RASGRP2: variants seen among roughly 807,000 people sequenced by gnomAD.
RASGRP2 encodes RAS guanyl-releasing protein 2.
In RASGRP2, 44 loss-of-function variants were observed where a neutral mutation model predicts 71.0. The observed-to-expected ratio is 0.62, with a 90% CI of 0.49 to 0.80. The LOEUF (loss-of-function observed/expected upper bound fraction) is 0.80. Ranked by LOEUF, RASGRP2 falls within the 30% of genes least tolerant of loss-of-function variation. The probability of loss-of-function intolerance (pLI) is 0.00; values close to 1 mark genes in which losing one functional copy is unlikely to be tolerated. For missense variants in RASGRP2, 663 were observed against 813.4 expected, an observed-to-expected ratio of 0.82 and a Z score of 2.25; for synonymous variants, 350 against 330.7, an observed-to-expected ratio of 1.06 and a Z score of -0.63.
At chr11:64,740,515 T>G in intron 5 of RASGRP2, 1 of 628,616 alleles carries the variant, frequency 1.6e-6, no homozygotes, top group Non-Finnish European at 3.0e-6. Context: ...GAGGTCTTTG[T>G]ACAGGAGTCT....
chr11:64,742,799 G>T lies in RASGRP2; in HGVS notation c.68C>A (p.Ala23Asp). 1 of 1,608,388 alleles carries T rather than the reference G, an allele frequency of 6.2e-7. No individual in the cohort carries two copies. Among genetic ancestry groups the T allele is most frequent in the African/African-American group, 1.3e-5 (1 of 74,984 alleles). The change falls in exon 2 of 17, where the codon GCC (alanine) becomes GAC (aspartate). Residue 23 changes from alanine to aspartate, a missense_variant. Ala to Asp is a moderately radical substitution (Grantham distance 126). Coordinates refer to ENST00000394432, the MANE Select transcript of RASGRP2 (RefSeq NM_001098671.2). This position sits in a 1 kb window ranked among gnomAD's most constrained non-coding sequence, Gnocchi z 4.7. ...VEELLRGCIE[A>D]FDDSGKVRDP... ...TGCCCTCCCGAGCCACTCACCGAAGGCTTCGATGCACCCGCGGAGCAGCTC... is the reference window on the plus strand; with the variant it reads ...TGCCCTCCCGAGCCACTCACCGAAGTCTTCGATGCACCCGCGGAGCAGCTC...
intron 12 of RASGRP2, among the ~76,000 whole-genome samples, chr11:64,734,764 T>C (rs1173548459): frequency 1.3e-5 from 2 of 152,220 alleles, no homozygotes; most frequent in Non-Finnish European, 2.9e-5. Context: ...CAAACCTTTC[T>C]TATCTATTCA....
At position 64,735,992 on chromosome 11, in the gene RASGRP2, A is replaced by C. The variant is rs2057925032; in HGVS notation, c.1096-12T>G. On this transcript the variant is annotated splice_polypyrimidine_tract_variant and intron_variant, in intron 9 of 16. Coordinates refer to ENST00000394432, the MANE Select transcript of RASGRP2 (RefSeq NM_001098671.2). This position sits in a 1 kb window ranked among gnomAD's most constrained non-coding sequence, Gnocchi z 4.2. ...TGATCCAGAGACACCTGGGACACAC[A>C]GATCTGATCACCCCCACTGGCCCCT... 6.2e-7 allele frequency: 1 copy of C among 1,612,516 alleles called. No individual in the cohort carries two copies. Among genetic ancestry groups the C allele is most frequent in the African/African-American group, 1.3e-5 (1 of 74,992 alleles).
rs1420312756 is a variant in RASGRP2 at position 64,729,749 on chromosome 11, C to T, written c.1591+13G>A. 6.2e-7 allele frequency: 1 copy of T among 1,613,744 alleles called. No individual in the cohort carries two copies. Among genetic ancestry groups the T allele is most frequent in the Admixed American group, 1.7e-5 (1 of 60,004 alleles). On this transcript the variant is annotated intron_variant, in intron 14 of 16. Transcript: ENST00000394432. The stretch of plus-strand genomic sequence containing the variant: ...AACACTGCCCAGCAGCCCTTCCAGT[C>T]ATTCCATCTCACCTCGGCATTTGAG...
At chr11:64,733,453 C>A (rs1202234921) in intron 12 of RASGRP2, among the ~76,000 whole-genome samples, 2 of 150,670 alleles carry the variant, frequency 1.3e-5, no homozygotes, top group Non-Finnish European at 3.0e-5. Context: ...CAGCCTGGGG[C>A]CTGCAGGAGG....
At chr11:64,738,845 A>G (rs1365544875) in intron 8 of RASGRP2, among the ~76,000 whole-genome samples, 1 of 152,072 alleles carries the variant, frequency 6.6e-6, no homozygotes, top group African/African-American at 2.4e-5. Context: ...TACAAGTGGC[A>G]AGGCACAATG....
At chr11:64,738,009 A>G (rs1198101906) in intron 8 of RASGRP2, among the ~76,000 whole-genome samples, 1 of 152,118 alleles carries the variant, frequency 6.6e-6, no homozygotes, top group Non-Finnish European at 1.5e-5. Flanking sequence ...TCGCCACCGC[A>G]CTCCAGCCTG....
chr11:64,727,052 CTG>C lies in RASGRP2; in HGVS notation c.*84_*85del. On this transcript the variant is annotated 3_prime_UTR_variant, in exon 17 of 17. Transcript: ENST00000394432. ...ATATCCCACCCCCATCCCCAGCCTCCTGCCCCGACACCCCCAGGCTCCCTGCT... is the reference window on the plus strand; with the variant it reads ...ATATCCCACCCCCATCCCCAGCCTCCCCCCGACACCCCCAGGCTCCCTGCT... 1 of 456,068 alleles carries C rather than the reference CTG, an allele frequency of 2.2e-6. No individual in the cohort carries two copies. Among genetic ancestry groups the C allele is most frequent in the Non-Finnish European group, 4.1e-6 (1 of 242,474 alleles). 28.3% of individuals were successfully genotyped at this position (456,068 alleles called of 1,614,324 possible). A position where few individuals can be genotyped will look rare whatever the true frequency, so the allele number is the denominator to read the frequency against.
chr11:64,740,641 G>A lies in RASGRP2; in HGVS notation c.371+307C>T. ...TGAACTGAGTCTTGGTAACACGGAG[G>A]AGGCAGCAAGGGGGATGATATGAGC... On this transcript the variant is annotated intron_variant, in intron 5 of 16. Coordinates refer to ENST00000394432, the MANE Select transcript of RASGRP2 (RefSeq NM_001098671.2). The A allele has an allele frequency of 4.6e-6, 3 of 647,158 alleles. No individual in the cohort carries two copies. In the Admixed American group the frequency reaches 6.7e-5, roughly 14 times the overall value. 40.1% of individuals were successfully genotyped at this position (647,158 alleles called of 1,614,324 possible).
At chr11:64,734,088 G>C (rs538494101) in intron 12 of RASGRP2, among the ~76,000 whole-genome samples, 1 of 152,026 alleles carries the variant, frequency 6.6e-6, no homozygotes, top group East Asian at 2.0e-4. Context: ...AAGGCAGGTA[G>C]ATCACTTGAG....
chr11:64,737,690 A>G (rs532937218), intron 8 of RASGRP2, among the ~76,000 whole-genome samples: 5,896 of 150,726 alleles, frequency 0.039, 183 homozygotes, highest in Non-Finnish European at 0.062. Flanking sequence ...AAAAAAAAAA[A>G]AAAAAGAAAG....
Position 64,729,064 on chromosome 11 carries a change from G to A in RASGRP2, c.1592-22C>T, listed in dbSNP as rs1165733217. Reference sequence around the variant, plus strand: ...CAGGCTGGGGGAGAGCAAATGGAGAGCCAGCCAGGGACATTGGTCAGAATA... The same window carrying A: ...CAGGCTGGGGGAGAGCAAATGGAGAACCAGCCAGGGACATTGGTCAGAATA... On this transcript the variant is annotated intron_variant, in intron 14 of 16. Transcript: ENST00000394432. The A allele has an allele frequency of 4.4e-6, 7 of 1,576,094 alleles. No individual in the cohort carries two copies. In the East Asian group the frequency reaches 9.1e-5, roughly 20 times the overall value.
chr11:64,729,673 A>C (rs949732922), intron 14 of RASGRP2, 89 bp downstream of exon 14: 3 of 1,488,968 alleles, frequency 2.0e-6, no homozygotes, highest in Non-Finnish European at 2.8e-6. Context: ...ACTCCTTGGC[A>C]ATTGCCCCAC....
intron 4 of RASGRP2, 119 bp from the exon 5 acceptor site, chr11:64,741,198 C>G: frequency 7.5e-7 from 1 of 1,339,386 alleles, no homozygotes; most frequent in African/African-American, 1.4e-5. Flanking sequence ...ATGGTTCCAG[C>G]TCTTTCCTTC....
At chr11:64,734,441 C>T (rs112706356) in intron 12 of RASGRP2, among the ~76,000 whole-genome samples, 9 of 152,040 alleles carry the variant, frequency 5.9e-5, no homozygotes, top group African/African-American at 2.2e-4. Context: ...GCGTGAGGCA[C>T]CGCACCTGGC....
Position 64,740,980 on chromosome 11 carries a change from T to C in RASGRP2, c.339A>G (p.Arg113=), listed in dbSNP as rs2135789812. The C allele has an allele frequency of 1.2e-6, 2 of 1,613,660 alleles. No homozygotes were observed. Among genetic ancestry groups the C allele is most frequent in the Non-Finnish European group, 1.7e-6 (2 of 1,179,906 alleles). Residue 113 remains arginine, a synonymous_variant, in exon 5 of 17, where the codon CGA becomes CGG. Transcript: ENST00000394432. ...CTATGTCGATTAGGCTGCTGTGCCG[T>C]CGGTTCCCTTCTTGGTCTAGCAGAG... ...LKALLDQEGN[R]RHSSLIDIDS...
chr11:64,734,634 A>C (rs1019901477), intron 12 of RASGRP2, among the ~76,000 whole-genome samples: 36 of 152,172 alleles, frequency 2.4e-4, no homozygotes, highest in Non-Finnish European at 2.4e-4. Context: ...TTTTCTGCTC[A>C]GCAAAAATAG....
chr11:64,740,585 G>A (rs764949127), intron 5 of RASGRP2: 4 of 664,094 alleles, frequency 6.0e-6, no homozygotes, highest in Admixed American at 2.1e-5. Context: ...GAAGAGCCCC[G>A]AACCCTCAGA....
At chr11:64,745,358 G>C (rs776513577), upstream of RASGRP2, 3 of 152,788 alleles carry the variant, frequency 2.0e-5, no homozygotes, top group African/African-American at 7.2e-5. Context: ...GGTCGGGGGC[G>C]TGGGGACAGC....
Sources: allele counts gnomAD v4.1 joint callset (sites outside exome capture counted in the v4.1 genomes callset), GRCh38; gene constraint gnomAD v4.1.1; non-coding constraint Gnocchi (gnomAD v3.1); transcripts MANE v1.5; gene names NCBI Gene and HGNC (gene_info 2026-07-23, HGNC 2026-07-21).